The following ERCC1 variants were observed in gnomAD, a reference collection of about 807,000 sequenced individuals.
The protein encoded by ERCC1 is DNA excision repair protein ERCC-1.
A neutral mutation model predicts 37.6 loss-of-function variants in ERCC1; 36 were observed. The ratio of observed to expected loss-of-function variants is 0.96; its 90% CI spans 0.73 to 1.26. The LOEUF (loss-of-function observed/expected upper bound fraction) is 1.26, where lower values mean the gene tolerates loss of function less well. Among genes scored for constraint, ERCC1 ranks in the 50% most tolerant of loss-of-function variants. The probability of loss-of-function intolerance (pLI) is 0.00; values close to 1 mark genes in which losing one functional copy is unlikely to be tolerated. For missense variants in ERCC1, 349 were observed against 376.5 expected, an observed-to-expected ratio of 0.93 and a Z score of 0.60; for synonymous variants, 156 against 162.1, an observed-to-expected ratio of 0.96 and a Z score of 0.28.
intron 1 of ERCC1, among the ~76,000 whole-genome samples, chr19:45,440,691 G>A (rs1975098266): frequency 6.6e-6 from 1 of 152,120 alleles, no homozygotes; most frequent in Admixed American, 6.6e-5. Context: ...GCCTTGAGCC[G>A]TTTCTTTATT....
chr19:45,423,082 C>T (rs1192234969), intron 2 of ERCC1, among the ~76,000 whole-genome samples, 188 bp downstream of exon 2: 2 of 152,176 alleles, frequency 1.3e-5, no homozygotes, highest in African/African-American at 4.8e-5. Context: ...CCTTAGCCCT[C>T]TCTTAGAACC....
chr19:45,442,945 C>CA (rs1207091238), intron 1 of ERCC1, among the ~76,000 whole-genome samples: 2 of 151,942 alleles, frequency 1.3e-5, no homozygotes, highest in Non-Finnish European at 2.9e-5. Flanking sequence ...GGTGATAGCA[C>CA]AGCCGGCTTA....
chr19:45,418,657 T>C (rs930933379), intron 5 of ERCC1, among the ~76,000 whole-genome samples: 3 of 151,604 alleles, frequency 2.0e-5, no homozygotes, highest in Admixed American at 6.6e-5. Context: ...AACCAGTCTC[T>C]ACTAAAAATA....
chr19:45,413,288 A>T (rs1973851065), intron 9 of ERCC1: 1 of 467,328 alleles, frequency 2.1e-6, no homozygotes, highest in Admixed American at 3.7e-5. Context: ...TTCTGCTTTG[A>T]GACAGGATCG....
chr19:45,408,247 C>A lies in ERCC1; in HGVS notation c.*1428G>T. The stretch of plus-strand genomic sequence containing the variant: ...GCTGTCCCCAAGCTGGAGAAGCGAC[C>A]CTGCTGGCCCCCTCAACGGAGGCAG... On this transcript the variant is annotated 3_prime_UTR_variant, in exon 10 of 10. Coordinates refer to ENST00000300853, the MANE Select transcript of ERCC1 (RefSeq NM_001983.4). 2 of 1,614,118 alleles carry A rather than the reference C, an allele frequency of 1.2e-6. No individual in the cohort carries two copies. Among genetic ancestry groups the A allele is most frequent in the Middle Eastern group, 1.6e-4 (1 of 6,062 alleles).
upstream of ERCC1, among the ~76,000 whole-genome samples, chr19:45,424,669 G>A (rs1398697216): frequency 6.6e-6 from 1 of 152,126 alleles, no homozygotes; most frequent in East Asian, 1.9e-4. Context: ...TTTTTAAAAT[G>A]GGTTGTATGG....
In ERCC1 at chr19:45,421,516, C is replaced by T. The variant is rs943306203; in HGVS notation, c.106-123G>A. 1.2e-5 allele frequency: 8 copies of T among 695,214 alleles called. No homozygotes were observed. The South Asian group carries it at 1.2e-4, about 10-fold the overall frequency. The allele number at this position is 695,214 out of a possible 1,614,324, so 43.1% of individuals were successfully genotyped here. A position where few individuals can be genotyped will look rare whatever the true frequency, so the allele number is the denominator to read the frequency against. On this transcript the variant is annotated intron_variant, in intron 2 of 9. Coordinates refer to ENST00000300853, the MANE Select transcript of ERCC1 (RefSeq NM_001983.4). ...AGACAGTCTTGCTCTGTCACCCAGACTGGAGTGTAGTGGCACTATCTTGGC... is the reference window on the plus strand; with the variant it reads ...AGACAGTCTTGCTCTGTCACCCAGATTGGAGTGTAGTGGCACTATCTTGGC...
At chr19:45,409,821 A>G in intron 9 of ERCC1, 96 bp from the exon 10 acceptor site, 1 of 714,204 alleles carries the variant, frequency 1.4e-6, no homozygotes, top group South Asian at 1.5e-5. Context: ...ATTTTCCCCT[A>G]TACCCTCAAG....
chr19:45,446,166 T>C (rs57892360), intron 1 of ERCC1, among the ~76,000 whole-genome samples: 9,516 of 151,948 alleles, frequency 0.063, 974 homozygotes, highest in African/African-American at 0.22. Context: ...TCCCAAAGTG[T>C]TGGGATTACA....
In ERCC1 at chr19:45,408,490, G is replaced by C; in HGVS notation, c.*1185C>G. The C allele has an allele frequency of 6.2e-7, 1 of 1,613,976 alleles. No individual in the cohort carries two copies. The highest frequency in any genetic ancestry group is 8.5e-7 in the Non-Finnish European group (1 of 1,179,974). On this transcript the variant is annotated 3_prime_UTR_variant, in exon 10 of 10. Transcript: ENST00000300853. ...CCCCCAACCTGCTCACCTCAGGGAA[G>C]AAGAAAAAGGAGATGCAGGTGACAG...
rs561071631 is a variant in ERCC1 at position 45,409,383 on chromosome 19, T to G, written c.*292A>C. 1 of 1,613,260 alleles carries G rather than the reference T, an allele frequency of 6.2e-7. No homozygotes were observed. Among genetic ancestry groups the G allele is most frequent in the Non-Finnish European group, 8.5e-7 (1 of 1,179,896 alleles). On this transcript the variant is annotated 3_prime_UTR_variant, in exon 10 of 10. Coordinates refer to ENST00000300853, the MANE Select transcript of ERCC1 (RefSeq NM_001983.4). ...AAGAAGCAGAGTCAGGAAAGCCGGA[T>G]GCCAGAGACAGTGCCCCAAGAGGAG...
intron 1 of ERCC1, among the ~76,000 whole-genome samples, chr19:45,438,064 C>T (rs1208703623): frequency 2.0e-5 from 3 of 152,004 alleles, no homozygotes; most frequent in Admixed American, 1.3e-4. Context: ...TGTGAGACCA[C>T]GCCCAGCTAA....
intron 1 of ERCC1, among the ~76,000 whole-genome samples, chr19:45,431,055 C>G (rs1440084394): frequency 2.0e-5 from 3 of 152,228 alleles, no homozygotes; most frequent in Admixed American, 1.3e-4. Flanking sequence ...CGTGTTCAAG[C>G]GATTCTCCCG....
intron 1 of ERCC1, among the ~76,000 whole-genome samples, chr19:45,444,254 G>A (rs562197309): frequency 6.8e-6 from 1 of 146,730 alleles, no homozygotes; most frequent in Non-Finnish European, 1.5e-5. Context: ...CCCAAATCCT[G>A]TTCCCCATTT....
At chr19:45,433,636 C>A (rs953214075) in intron 1 of ERCC1, among the ~76,000 whole-genome samples, 1 of 150,740 alleles carries the variant, frequency 6.6e-6, no homozygotes, top group Non-Finnish European at 1.5e-5. Context: ...TGCAGTGAGC[C>A]GAAATTGTAC....
Position 45,420,538 on chromosome 19 carries a change from C to T in ERCC1, c.322-111G>A, listed in dbSNP as rs937386250. On this transcript the variant is annotated intron_variant, in intron 3 of 9. Coordinates refer to ENST00000300853, the MANE Select transcript of ERCC1 (RefSeq NM_001983.4). This position sits in a 1 kb window ranked among gnomAD's most constrained non-coding sequence, Gnocchi z 4.8. ...TCCCTCCTCCCACCTCTTCCCACAC[C>T]TCCTGCCTCCTCGCACCTCTTCCCA... 6.9e-6 allele frequency: 5 copies of T among 726,568 alleles called. No homozygotes were observed. The African/African-American group carries it at 8.7e-5, about 13-fold the overall frequency. 45.0% of individuals were successfully genotyped at this position (726,568 alleles called of 1,614,324 possible). A position where few individuals can be genotyped will look rare whatever the true frequency, so the allele number is the denominator to read the frequency against.
chr19:45,431,148 T>A (rs1974821371), intron 1 of ERCC1, among the ~76,000 whole-genome samples: 1 of 152,004 alleles, frequency 6.6e-6, no homozygotes. Context: ...AGAAACGGGG[T>A]TTCACCATAT....
Position 45,418,785 on chromosome 19 carries a change from T to G in ERCC1, c.525+313A>C, listed in dbSNP as rs553191087. 9.9e-5 allele frequency among the ~76,000 whole-genome samples: 15 copies of G among 152,260 alleles called. No individual in the cohort carries two copies. In the East Asian group the frequency reaches 2.1e-3, roughly 22 times the overall value. On this transcript the variant is annotated intron_variant, in intron 5 of 9. Transcript: ENST00000300853. ...CTGCAGTGAGCCAAGATCAAGTCAT[T>G]GCACTCCAGCCTGGGCAACAAGAGC...
At chr19:45,443,869 G>A (rs1052457848) in intron 1 of ERCC1, among the ~76,000 whole-genome samples, 1 of 151,740 alleles carries the variant, frequency 6.6e-6, no homozygotes, top group Non-Finnish European at 1.5e-5. Context: ...CTCCGAACCG[G>A]CAAACCTCTC....
Sources: allele counts gnomAD v4.1 joint callset (sites outside exome capture counted in the v4.1 genomes callset), GRCh38; gene constraint gnomAD v4.1.1; non-coding constraint Gnocchi (gnomAD v3.1); transcripts MANE v1.5; gene names NCBI Gene and HGNC (gene_info 2026-07-23, HGNC 2026-07-21).